Variants in FGF3 observed in about 807,000 individuals in gnomAD.
FGF3 encodes FGF-3.
A neutral mutation model predicts 9.8 loss-of-function variants in FGF3; 7 were observed. The ratio of observed to expected loss-of-function variants is 0.72; its 90% CI spans 0.41 to 1.35. The LOEUF is 1.35. Ranked by LOEUF, FGF3 falls within the 40% of genes most tolerant of loss-of-function variation. FGF3 has a pLI of 0.01. For synonymous variants in FGF3, 173 were observed against 157.2 expected (o/e 1.10, Z -0.75); for missense variants, 390 against 345.6 (o/e 1.13, Z -1.02).
At chr11:69,815,833 G>A (rs531973448) in intron 2 of FGF3, among the ~76,000 whole-genome samples, 138 of 152,166 alleles carry the variant, frequency 9.1e-4, no homozygotes, top group Non-Finnish European at 1.5e-3. Flanking sequence ...GGACATGGGC[G>A]CCATCCCCCT....
rs1554981088 is a variant in FGF3 at position 69,816,415 on chromosome 11, C to A, written c.229G>T (p.Glu77Ter). 1 of 1,613,276 alleles carries A rather than the reference C, an allele frequency of 6.2e-7. No homozygotes were observed. The highest frequency in any genetic ancestry group is 1.3e-5 in the African/African-American group (1 of 74,888). ...SLENSAYSIL[E>*]ITAVEVGIVA... ...ATGCCCACCTCCACTGCCGTTATCTCCAAAATACCTAGAAGAAATGAGAGG... is the reference window on the plus strand; with the variant it reads ...ATGCCCACCTCCACTGCCGTTATCTACAAAATACCTAGAAGAAATGAGAGG... Residue 77 changes from glutamate to a stop codon, truncating the protein, a stop_gained, in exon 2 of 3, where the codon GAG becomes TAG. Transcript: ENST00000334134. LOFTEE classifies it high-confidence loss of function.
chr11:69,818,814 G>A lies in FGF3; in HGVS notation c.120C>T (p.Gly40=), dbSNP rs1337729052. Reference sequence around the variant, plus strand: ...AGAGCTTGCGGCGCCGGGGCGCCCCGCCAAGGTGCTCGTAGACGCCGCCAC... The same window carrying A: ...AGAGCTTGCGGCGCCGGGGCGCCCCACCAAGGTGCTCGTAGACGCCGCCAC... ...GGRGGVYEHL[G]GAPRRRKLYC... is the part of the protein sequence containing the mutation. Residue 40 remains glycine (G), a synonymous_variant, in exon 1 of 3, where the codon GGC becomes GGT. Transcript: ENST00000334134. The A allele has an allele frequency of 6.7e-7, 1 of 1,489,170 alleles. No individual in the cohort carries two copies. The allele number at this position is 1,489,170 out of a possible 1,614,324, so 92.2% of individuals were successfully genotyped here.
chr11:69,817,970 C>A lies in FGF3; in HGVS notation c.220+744G>T, dbSNP rs571813474. ...GGGGCCGGAGTGTGTGTGTCTGCAC[C>A]CCCAGGCCCGGGCGGACACCGTTCC... On this transcript the variant is annotated intron_variant, in intron 1 of 2. Transcript: ENST00000334134. Among the ~76,000 whole-genome samples, 7 of 152,334 alleles carry A rather than the reference C, an allele frequency of 4.6e-5. No homozygotes were observed. In the East Asian group the frequency reaches 9.7e-4, roughly 21 times the overall value.
intron 2 of FGF3, among the ~76,000 whole-genome samples, chr11:69,814,095 G>C (rs868909575): frequency 1.3e-5 from 2 of 151,878 alleles, no homozygotes; most frequent in African/African-American, 4.8e-5. Flanking sequence ...GGAAGGAGAG[G>C]TGTATGGACA....
At position 69,810,323 on chromosome 11, in the gene FGF3, C is replaced by T; in HGVS notation, c.702G>A (p.Leu234=). Residue 234 remains leucine (L), a synonymous_variant, in exon 3 of 3, where the codon CTG becomes CTA. Coordinates refer to ENST00000334134, the MANE Select transcript of FGF3 (RefSeq NM_005247.4). ...GGCCCAGCTAGTGCGCACTGGCCTC[C>T]AGCTGGGAGCCCAGTCTCGAAGCCT... The part of the protein sequence containing the change: ...HVQASRLGSQ[L]EASAH The T allele has an allele frequency of 1.3e-6, 2 of 1,566,994 alleles. No individual in the cohort carries two copies. The highest frequency in any genetic ancestry group is 2.3e-5 in the East Asian group (1 of 43,080).
Position 69,818,934 on chromosome 11 carries a change from C to A in FGF3, c.-1G>T, listed in dbSNP as rs1421649420. On this transcript the variant is annotated 5_prime_UTR_variant, in exon 1 of 3. Coordinates refer to ENST00000334134, the MANE Select transcript of FGF3 (RefSeq NM_005247.4). ...GCAGTAGCAGCCAGATTAGGCCCAT[C>A]GTGGCATCGCGCCCGCCCCGCGGCG... The A allele has an allele frequency of 2.0e-6, 3 of 1,464,262 alleles. No homozygotes were observed. Among genetic ancestry groups the A allele is most frequent in the South Asian group, 1.3e-5 (1 of 76,976 alleles). The allele number at this position is 1,464,262 out of a possible 1,614,324, so 90.7% of individuals were successfully genotyped here.
chr11:69,811,056 G>A (rs1856022885), intron 2 of FGF3, among the ~76,000 whole-genome samples: 1 of 152,254 alleles, frequency 6.6e-6, no homozygotes, highest in Non-Finnish European at 1.5e-5. Flanking sequence ...GACCAGGCCG[G>A]CCAACCCAGG....
intron 2 of FGF3, among the ~76,000 whole-genome samples, chr11:69,811,000 G>T (rs1856021844): frequency 6.6e-6 from 1 of 152,236 alleles, no homozygotes; most frequent in Non-Finnish European, 1.5e-5. Flanking sequence ...CCCATCTGAG[G>T]GCGCTGACAC....
intron 2 of FGF3, among the ~76,000 whole-genome samples, chr11:69,813,888 G>GGATGGA (rs1856082540): frequency 1.2e-5 from 1 of 84,736 alleles, no homozygotes; most frequent in African/African-American, 4.4e-5. Context: ...GGATGGATGG[G>GGATGGA]TGGATGGCTG....
intron 2 of FGF3, among the ~76,000 whole-genome samples, chr11:69,814,777 T>A (rs1554980909): frequency 1.3e-5 from 2 of 152,172 alleles, no homozygotes; most frequent in African/African-American, 4.8e-5. Context: ...TGGCTAAGCA[T>A]CCCTGGTGGG....
chr11:69,816,185 A>G, intron 2 of FGF3, 135 bp downstream of exon 2: 2 of 763,498 alleles, frequency 2.6e-6, no homozygotes, highest in Non-Finnish European at 2.3e-6. Context: ...GCCCTGGGCC[A>G]GGGTCTGGTC....
Position 69,818,883 on chromosome 11 carries a change from G to A in FGF3, c.51C>T (p.Pro17=), listed in dbSNP as rs1363204170. 6 of 1,462,388 alleles carry A rather than the reference G, an allele frequency of 4.1e-6. No individual in the cohort carries two copies. In the South Asian group the frequency reaches 7.8e-5, roughly 19 times the overall value. The allele number at this position is 1,462,388 out of a possible 1,614,324, so 90.6% of individuals were successfully genotyped here. The part of the protein sequence containing the change: ...LLLSLLEPGW[P]AAGPGARLRR... ...GCAACCGCGCCCCAGGGCCCGCTGC[G>A]GGCCAGCCGGGCTCCAGCAGGCTGA... Residue 17 remains proline, a synonymous_variant, in exon 1 of 3, where the codon CCC becomes CCT. Coordinates refer to ENST00000334134, the MANE Select transcript of FGF3 (RefSeq NM_005247.4).
intron 2 of FGF3, 101 bp downstream of exon 2, chr11:69,816,219 T>TG: frequency 1.1e-6 from 1 of 941,280 alleles, no homozygotes; most frequent in Admixed American, 1.7e-5. Context: ...CGTGTACCCT[T>TG]GGCAAAGCAT....
intron 2 of FGF3, among the ~76,000 whole-genome samples, chr11:69,813,472 C>T (rs1554980646): frequency 6.6e-6 from 1 of 152,174 alleles, no homozygotes; most frequent in African/African-American, 2.4e-5. Context: ...CTTTAACATG[C>T]ACTAGCAGAG....
chr11:69,818,786 A>C lies in FGF3; in HGVS notation c.148T>G (p.Cys50Gly). 1 of 1,495,622 alleles carries C rather than the reference A, an allele frequency of 6.7e-7. No individual in the cohort carries two copies. The highest frequency in any genetic ancestry group is 1.2e-5 in the South Asian group (1 of 80,062). The allele number at this position is 1,495,622 out of a possible 1,614,324, so 92.6% of individuals were successfully genotyped here. ...GGAPRRRKLY[C>G]ATKYHLQLHP... ...AGCTGGAGGTGGTACTTCGTGGCGC[A>C]GTAGAGCTTGCGGCGCCGGGGCGCC... Residue 50 changes from cysteine (C) to glycine (G), a missense_variant, in exon 1 of 3, where the codon TGC becomes GGC. Coordinates refer to ENST00000334134, the MANE Select transcript of FGF3 (RefSeq NM_005247.4).
At chr11:69,812,096 C>T (rs1856039350) in intron 2 of FGF3, among the ~76,000 whole-genome samples, 1 of 152,186 alleles carries the variant, frequency 6.6e-6, no homozygotes, top group South Asian at 2.1e-4. Flanking sequence ...GAGCTGCTCC[C>T]TCCAAACCAG....
At chr11:69,815,646 G>A (rs1454058870) in intron 2 of FGF3, among the ~76,000 whole-genome samples, 3 of 152,140 alleles carry the variant, frequency 2.0e-5, no homozygotes, top group African/African-American at 7.2e-5. Flanking sequence ...TGACTAGTTG[G>A]AGGTAGCAAA....
chr11:69,818,863 CGCGCCCCA>C lies in FGF3; in HGVS notation c.63_70del (p.Gly22ValfsTer103). On this transcript the variant is annotated frameshift_variant, in exon 1 of 3. Transcript: ENST00000334134. LOFTEE classifies it high-confidence loss of function. The stretch of plus-strand genomic sequence containing the variant: ...ACGGCCGCCCGCATCGCGCCGCAAC[CGCGCCCCA>C]GGGCCCGCTGCGGGCCAGCCGGGCT... 6.8e-7 allele frequency: 1 copy of C among 1,465,984 alleles called. No homozygotes were observed. Among genetic ancestry groups the C allele is most frequent in the Non-Finnish European group, 9.0e-7 (1 of 1,115,242 alleles). The allele number at this position is 1,465,984 out of a possible 1,614,324, so 90.8% of individuals were successfully genotyped here. A position where few individuals can be genotyped will look rare whatever the true frequency, so the allele number is the denominator to read the frequency against.
Position 69,810,657 on chromosome 11 carries a change from T to C in FGF3, c.368A>G (p.Glu123Gly), listed in dbSNP as rs2119906531. ...GGAGGCATACGTATTATAGCCCAGCTCGTGGATCCGCTCCACAAACTCGCA... is the reference window on the plus strand; with the variant it reads ...GGAGGCATACGTATTATAGCCCAGCCCGTGGATCCGCTCCACAAACTCGCA... ...AECEFVERIH[E>G]LGYNTYASRL... The change falls in exon 3 of 3, where the codon GAG becomes GGG. Residue 123 changes from glutamate to glycine, a missense_variant. Coordinates refer to ENST00000334134, the MANE Select transcript of FGF3 (RefSeq NM_005247.4). 1 of 1,593,180 alleles carries C rather than the reference T, an allele frequency of 6.3e-7. No homozygotes were observed.
Sources: gnomAD v4.1 joint callset for allele counts (sites outside exome capture counted in the v4.1 genomes callset) on GRCh38, gnomAD v4.1.1 for gene constraint, MANE v1.5 for transcripts, NCBI Gene and HGNC (gene_info 2026-07-23, HGNC 2026-07-21) for gene names.